B3GALT1: variants seen among roughly 807,000 people sequenced by gnomAD.
B3GALT1 encodes the protein beta-1,3-galactosyltransferase 1.
Under a neutral mutation model 23.2 loss-of-function variants are expected in B3GALT1, and 10 were observed. That is an observed-to-expected ratio of 0.43 (90% CI 0.27 to 0.73). The LOEUF (loss-of-function observed/expected upper bound fraction) is 0.73. Among genes scored for constraint, B3GALT1 ranks in the 30% least tolerant of loss-of-function variants. The pLI is 0.21. For missense variants in B3GALT1, 299 were observed against 405.4 expected, an observed-to-expected ratio of 0.74 and a Z score of 2.25; for synonymous variants, 156 against 141.5, an observed-to-expected ratio of 1.10 and a Z score of -0.73.
chr2:167,712,478 G>C (rs536444864), intron 3 of B3GALT1, among the ~76,000 whole-genome samples: 89 of 151,688 alleles, frequency 5.9e-4, no homozygotes, highest in African/African-American at 1.9e-3. Flanking sequence ...TGGCAGCCTG[G>C]GGGGAAGCAA....
At chr2:167,359,422 T>G (rs1031530954) in intron 1 of B3GALT1, among the ~76,000 whole-genome samples, 1 of 152,200 alleles carries the variant, frequency 6.6e-6, no homozygotes, top group Non-Finnish European at 1.5e-5. Context: ...ATTCTAAAAT[T>G]TTAGGGTGTA....
intron 2 of B3GALT1, among the ~76,000 whole-genome samples, chr2:167,517,387 A>G (rs1700112986): frequency 6.6e-6 from 1 of 152,102 alleles, no homozygotes; most frequent in Non-Finnish European, 1.5e-5. Flanking sequence ...AAATCTTCTC[A>G]AAGCAAAATA....
intron 2 of B3GALT1, among the ~76,000 whole-genome samples, chr2:167,559,674 C>T (rs527741833): frequency 1.3e-5 from 2 of 152,180 alleles, no homozygotes; most frequent in Admixed American, 6.5e-5. Flanking sequence ...GCCTCAGGAC[C>T]CAGTGCGATC....
At chr2:167,532,552 A>G (rs1683343692) in intron 2 of B3GALT1, among the ~76,000 whole-genome samples, 1 of 152,096 alleles carries the variant, frequency 6.6e-6, no homozygotes, top group Non-Finnish European at 1.5e-5. Context: ...CTACACACAC[A>G]CTTACACATA....
At chr2:167,715,379 G>T in intron 3 of B3GALT1, 1 of 1,613,718 alleles carries the variant, frequency 6.2e-7, no homozygotes, top group Non-Finnish European at 8.5e-7. Context: ...CCATACTTCA[G>T]CTTCTCGCAA....
intron 3 of B3GALT1, among the ~76,000 whole-genome samples, chr2:167,661,378 TA>T: frequency 6.6e-6 from 1 of 152,196 alleles, no homozygotes. Flanking sequence ...TAACTGTCTC[TA>T]GCCCCAAGAA....
chr2:167,819,530 C>T (rs1558990244), intron 4 of B3GALT1, among the ~76,000 whole-genome samples: 2 of 152,148 alleles, frequency 1.3e-5, no homozygotes, highest in Admixed American at 6.5e-5. Flanking sequence ...GGGAAAGAAG[C>T]ACCATGCTGG....
intron 3 of B3GALT1, among the ~76,000 whole-genome samples, chr2:167,667,334 G>C (rs1686218558): frequency 6.6e-6 from 1 of 152,138 alleles, no homozygotes; most frequent in South Asian, 2.1e-4. Flanking sequence ...TTAGTCTGAG[G>C]GGCTTCCCTT....
intron 4 of B3GALT1, among the ~76,000 whole-genome samples, chr2:167,831,692 G>A (rs1458860945): frequency 6.6e-6 from 1 of 152,156 alleles, no homozygotes; most frequent in Non-Finnish European, 1.5e-5. Flanking sequence ...TGAAATCTGT[G>A]ACATTTTTGA....
chr2:167,760,920 T>C (rs1687890201), intron 3 of B3GALT1, among the ~76,000 whole-genome samples: 1 of 152,222 alleles, frequency 6.6e-6, no homozygotes, highest in Non-Finnish European at 1.5e-5. Context: ...TTTTACTATA[T>C]GCACCGTTGC....
At chr2:167,483,296 A>G (rs746823253) in intron 1 of B3GALT1, among the ~76,000 whole-genome samples, 1 of 152,068 alleles carries the variant, frequency 6.6e-6, no homozygotes, top group African/African-American at 2.4e-5. Context: ...TCCATCTCAA[A>G]ACAACAACAA....
chr2:167,386,958 C>T (rs73021728), intron 1 of B3GALT1, among the ~76,000 whole-genome samples: 3,074 of 152,234 alleles, frequency 0.02, 107 homozygotes, highest in African/African-American at 0.07. Flanking sequence ...TGAGTGACTC[C>T]TTGGTTGCTT....
chr2:167,582,659 G>A (rs1684508717), intron 2 of B3GALT1, among the ~76,000 whole-genome samples: 3 of 152,076 alleles, frequency 2.0e-5, no homozygotes, highest in Admixed American at 2.0e-4. Flanking sequence ...CACGGCTTAG[G>A]TGATCTAGTA....
intron 2 of B3GALT1, among the ~76,000 whole-genome samples, chr2:167,514,823 G>A (rs1437659123): frequency 2.6e-5 from 4 of 152,088 alleles, no homozygotes; most frequent in African/African-American, 9.7e-5. Context: ...AGGTTGTTAT[G>A]AAGAAAAGGT....
At chr2:167,624,023 A>G (rs1685302183) in intron 2 of B3GALT1, among the ~76,000 whole-genome samples, 1 of 152,074 alleles carries the variant, frequency 6.6e-6, no homozygotes, top group African/African-American at 2.4e-5. Context: ...AAGTAGAGGA[A>G]TCATCTGATC....
chr2:167,525,940 G>A (rs1327213671), intron 2 of B3GALT1, among the ~76,000 whole-genome samples: 1 of 151,964 alleles, frequency 6.6e-6, no homozygotes, highest in Non-Finnish European at 1.5e-5. Context: ...TCAGGTTGTT[G>A]CCTATGTCCT....
chr2:167,812,004 G>T (rs756578223), intron 3 of B3GALT1, among the ~76,000 whole-genome samples: 1 of 152,042 alleles, frequency 6.6e-6, no homozygotes. Context: ...CTATTCTCTC[G>T]CCCATTTTCC....
intron 2 of B3GALT1, among the ~76,000 whole-genome samples, chr2:167,638,571 T>G (rs1685599437): frequency 6.6e-6 from 1 of 152,050 alleles, no homozygotes; most frequent in Non-Finnish European, 1.5e-5. Context: ...GATCTGGTTG[T>G]TAGAGCTCAG....
intron 2 of B3GALT1, among the ~76,000 whole-genome samples, chr2:167,496,507 G>C (rs1222157606): frequency 5.3e-5 from 8 of 152,136 alleles, no homozygotes; most frequent in African/African-American, 1.9e-4. Flanking sequence ...AGAGAAAGAA[G>C]GTAGTGGATA....
Sources: gnomAD v4.1 joint callset for allele counts (sites outside exome capture counted in the v4.1 genomes callset) on GRCh38, gnomAD v4.1.1 for gene constraint, MANE v1.5 for transcripts, NCBI Gene and HGNC (gene_info 2026-07-23, HGNC 2026-07-21) for gene names.